Variants in CDKAL1 observed in about 807,000 individuals in gnomAD.
CDKAL1 encodes the protein CDKAL1 threonylcarbamoyladenosine tRNA methylthiotransferase.
In CDKAL1, 32 loss-of-function variants were observed where a neutral mutation model predicts 68.2. The ratio of observed to expected loss-of-function variants is 0.47; its 90% CI spans 0.35 to 0.63. CDKAL1 has a LOEUF of 0.63. Ranked by LOEUF, CDKAL1 falls within the 30% of genes least tolerant of loss-of-function variation. The pLI, the probability that CDKAL1 is intolerant of heterozygous loss-of-function variation, is 0.00. For synonymous variants in CDKAL1, 234 were observed against 244.3 expected, an observed-to-expected ratio of 0.96 and a Z score of 0.39; for missense variants, 606 against 696.7, an observed-to-expected ratio of 0.87 and a Z score of 1.47.
chr6:21,108,352 C>G, intron 12 of CDKAL1, 49 bp from the exon 13 acceptor site: 2 of 1,283,478 alleles, frequency 1.6e-6, no homozygotes, highest in Non-Finnish European at 2.2e-6. Context: ...CTGCTGTCAA[C>G]TCAATTGTTT....
intron 6 of CDKAL1, among the ~76,000 whole-genome samples, chr6:20,754,493 A>T (rs1774082256): frequency 6.6e-6 from 1 of 152,212 alleles, no homozygotes; most frequent in Non-Finnish European, 1.5e-5. Context: ...ATACCCATTA[A>T]GCAATAGCTC....
intron 9 of CDKAL1, among the ~76,000 whole-genome samples, chr6:20,881,671 G>C (rs1341663310): frequency 6.6e-6 from 1 of 152,046 alleles, no homozygotes; most frequent in Admixed American, 6.5e-5. Flanking sequence ...TCCTAAAATG[G>C]CTGTCTGTGA....
chr6:20,735,765 T>C (rs948860876), intron 5 of CDKAL1, among the ~76,000 whole-genome samples: 2 of 152,236 alleles, frequency 1.3e-5, no homozygotes, highest in Non-Finnish European at 2.9e-5. Context: ...TCTGCATGAC[T>C]AATTACATAA....
At chr6:20,817,381 C>T (rs1328500926) in intron 8 of CDKAL1, among the ~76,000 whole-genome samples, 1 of 152,106 alleles carries the variant, frequency 6.6e-6, no homozygotes, top group Admixed American at 6.6e-5. Flanking sequence ...ATTATTAATA[C>T]ACTGTCTCTT....
At chr6:20,797,691 G>A (rs183770292) in intron 8 of CDKAL1, among the ~76,000 whole-genome samples, 40 of 152,158 alleles carry the variant, frequency 2.6e-4, no homozygotes, top group Non-Finnish European at 4.7e-4. Flanking sequence ...CAACATCTTG[G>A]ATGGATGTAA....
intron 13 of CDKAL1, among the ~76,000 whole-genome samples, chr6:21,112,451 TA>T (rs954294751): frequency 6.6e-6 from 1 of 152,226 alleles, no homozygotes; most frequent in African/African-American, 2.4e-5. Context: ...CTTTAACAGG[TA>T]GTCACTATTT....
intron 13 of CDKAL1, among the ~76,000 whole-genome samples, chr6:21,167,117 G>T (rs1381741892): frequency 6.6e-6 from 1 of 152,200 alleles, no homozygotes; most frequent in African/African-American, 2.4e-5. Flanking sequence ...AACAGGCACT[G>T]TGGCTTGCCT....
At chr6:21,197,638 GATTAGAAGCA>G (rs1253544183) in intron 13 of CDKAL1, among the ~76,000 whole-genome samples, 1 of 152,142 alleles carries the variant, frequency 6.6e-6, no homozygotes, top group African/African-American at 2.4e-5. Context: ...CATGAATTTG[GATTAGAAGCA>G]GCTTGTTCTG....
At chr6:20,732,162 C>T (rs1772963937) in intron 5 of CDKAL1, among the ~76,000 whole-genome samples, 1 of 151,962 alleles carries the variant, frequency 6.6e-6, no homozygotes. Flanking sequence ...CCTTGCACCT[C>T]AGCCTCCTGA....
intron 8 of CDKAL1, among the ~76,000 whole-genome samples, chr6:20,795,501 A>G (rs1776073128): frequency 6.6e-6 from 1 of 152,182 alleles, no homozygotes; most frequent in Admixed American, 6.5e-5. Flanking sequence ...GCAGTGCATA[A>G]TTCTCTTGGA....
intron 11 of CDKAL1, among the ~76,000 whole-genome samples, chr6:21,052,926 T>G (rs751392967): frequency 1.3e-5 from 2 of 152,226 alleles, no homozygotes; most frequent in African/African-American, 2.4e-5. Context: ...GAGTATGTTA[T>G]GGAAGATTCA....
At chr6:20,909,447 A>G (rs1020260750) in intron 9 of CDKAL1, among the ~76,000 whole-genome samples, 3 of 152,128 alleles carry the variant, frequency 2.0e-5, no homozygotes, top group African/African-American at 7.2e-5. Flanking sequence ...TTGTAAACCA[A>G]TGTTGTTTTG....
chr6:20,602,781 G>A (rs1766161836), intron 4 of CDKAL1, among the ~76,000 whole-genome samples: 1 of 152,170 alleles, frequency 6.6e-6, no homozygotes, highest in African/African-American at 2.4e-5. Context: ...TTTCTGGGCT[G>A]GGTTTGGAGC....
chr6:20,605,274 T>A (rs965746098), intron 4 of CDKAL1, among the ~76,000 whole-genome samples: 13 of 152,034 alleles, frequency 8.6e-5, no homozygotes, highest in African/African-American at 2.7e-4. Flanking sequence ...AGAAGGAAGG[T>A]TTGGGTCACT....
chr6:21,051,628 G>T (rs1252940125), intron 11 of CDKAL1, among the ~76,000 whole-genome samples: 1 of 152,118 alleles, frequency 6.6e-6, no homozygotes, highest in Non-Finnish European at 1.5e-5. Context: ...TATCTTATGA[G>T]AAAGTTATAT....
intron 10 of CDKAL1, among the ~76,000 whole-genome samples, chr6:20,996,797 A>G (rs965489036): frequency 6.6e-6 from 1 of 152,234 alleles, no homozygotes; most frequent in Non-Finnish European, 1.5e-5. Flanking sequence ...CAAACCTTCA[A>G]TTTGTAAGAA....
At chr6:20,866,676 A>G (rs994726339) in intron 9 of CDKAL1, among the ~76,000 whole-genome samples, 1 of 152,160 alleles carries the variant, frequency 6.6e-6, no homozygotes, top group Admixed American at 6.5e-5. Context: ...TTAAAAATTC[A>G]CCCATGTGTC....
chr6:20,916,054 G>A (rs886426669), intron 9 of CDKAL1, among the ~76,000 whole-genome samples: 3 of 152,184 alleles, frequency 2.0e-5, no homozygotes, highest in African/African-American at 7.2e-5. Context: ...GCTATAAAGG[G>A]ATAGCCTGAG....
intron 13 of CDKAL1, among the ~76,000 whole-genome samples, chr6:21,173,684 A>C (rs1356428064): frequency 6.6e-6 from 1 of 152,228 alleles, no homozygotes; most frequent in East Asian, 1.9e-4. Flanking sequence ...GAGAATGCAG[A>C]TGAATACACA....
Sources: allele counts gnomAD v4.1 joint callset (sites outside exome capture counted in the v4.1 genomes callset), GRCh38; gene constraint gnomAD v4.1.1; transcripts MANE v1.5; gene names NCBI Gene and HGNC (gene_info 2026-07-23, HGNC 2026-07-21).